Variants in MYT1L observed in about 807,000 individuals in gnomAD.
MYT1L encodes myelin transcription factor 1-like protein.
MYT1L carries 12 observed loss-of-function variants against 126.7 expected under a neutral mutation model. That is an observed-to-expected ratio of 0.09 (90% CI 0.06 to 0.15). The LOEUF is 0.15. Ranked by LOEUF, MYT1L falls within the 10% of genes least tolerant of loss-of-function variation. The pLI, the probability that MYT1L is intolerant of heterozygous loss-of-function variation, is 1.00. For synonymous variants in MYT1L, 541 were observed against 604.2 expected (o/e 0.90, Z 1.53); for missense variants, 979 against 1,585.2 (o/e 0.62, Z 6.49).
Position 1,839,505 on chromosome 2 carries a change from A to C in MYT1L, c.2859-135T>G, listed in dbSNP as rs951369964. ...CTCCTGGCTGGGCAAAAGGAAAAGA[A>C]AAAAGAGAAAGAAAGAAAAGTCACT... On this transcript the variant is annotated intron_variant, in intron 20 of 24. Transcript: ENST00000647738. 11 of 753,638 alleles carry C rather than the reference A, an allele frequency of 1.5e-5. No individual in the cohort carries two copies. In the South Asian group the frequency reaches 1.7e-4, roughly 11 times the overall value. 46.7% of individuals were successfully genotyped at this position (753,638 alleles called of 1,614,324 possible).
intron 23 of MYT1L, among the ~76,000 whole-genome samples, chr2:1,794,819 T>A (rs1382178549): frequency 6.6e-6 from 1 of 152,110 alleles, no homozygotes; most frequent in South Asian, 2.1e-4. Flanking sequence ...ATGGAACAAA[T>A]CTCATTGTGT....
At chr2:2,268,866 G>A (rs1415881769) in intron 2 of MYT1L, among the ~76,000 whole-genome samples, 1 of 152,124 alleles carries the variant, frequency 6.6e-6, no homozygotes, top group Non-Finnish European at 1.5e-5. Flanking sequence ...TTATTATGAA[G>A]ATAAATCTGT....
chr2:1,924,389 T>G (rs2053957058), intron 9 of MYT1L, among the ~76,000 whole-genome samples: 1 of 152,220 alleles, frequency 6.6e-6, no homozygotes, highest in Admixed American at 6.5e-5. Flanking sequence ...GCATGCCATT[T>G]TCACATCTGT....
At chr2:1,891,420 GCT>G (rs999626178) in intron 15 of MYT1L, among the ~76,000 whole-genome samples, 9 of 152,276 alleles carry the variant, frequency 5.9e-5, no homozygotes, top group South Asian at 2.1e-4. Context: ...CATCTTAAAC[GCT>G]CTCTCTCCTG....
At chr2:2,046,638 C>T (rs925571452) in intron 4 of MYT1L, among the ~76,000 whole-genome samples, 7 of 152,166 alleles carry the variant, frequency 4.6e-5, no homozygotes, top group East Asian at 1.9e-4. Context: ...TAGCTCGTCC[C>T]GGGTGAAGCC....
At chr2:2,140,381 C>T in intron 3 of MYT1L, among the ~76,000 whole-genome samples, 1 of 149,188 alleles carries the variant, frequency 6.7e-6, no homozygotes, top group East Asian at 2.0e-4. Context: ...TAGAAATTTG[C>T]TCTTTTTGCA....
intron 1 of MYT1L, among the ~76,000 whole-genome samples, chr2:2,328,132 AT>A (rs972171430): frequency 3.9e-5 from 6 of 152,194 alleles, no homozygotes; most frequent in Non-Finnish European, 4.4e-5. Context: ...TATTAACTCA[AT>A]TTTTTAATTT....
At chr2:2,278,094 G>A (rs547711741) in intron 2 of MYT1L, among the ~76,000 whole-genome samples, 30 of 152,232 alleles carry the variant, frequency 2.0e-4, no homozygotes, top group African/African-American at 3.6e-4. Flanking sequence ...AATTTAAAGC[G>A]GAAAGTAAAA....
intron 3 of MYT1L, among the ~76,000 whole-genome samples, chr2:2,068,635 T>C (rs1206673501): frequency 6.6e-6 from 1 of 151,810 alleles, no homozygotes; most frequent in Non-Finnish European, 1.5e-5. Context: ...AAGATAATAG[T>C]ATTTCCCTCA....
chr2:2,279,262 AT>A (rs2095411755), intron 2 of MYT1L, among the ~76,000 whole-genome samples: 1 of 152,226 alleles, frequency 6.6e-6, no homozygotes, highest in Non-Finnish European at 1.5e-5. Flanking sequence ...GGCTAATAGT[AT>A]CTACTTTTCC....
intron 10 of MYT1L, among the ~76,000 whole-genome samples, chr2:1,918,055 T>C (rs1356344807): frequency 6.6e-6 from 1 of 152,166 alleles, no homozygotes; most frequent in African/African-American, 2.4e-5. Flanking sequence ...AGAGGAAGGC[T>C]CGTAGAATGC....
chr2:1,840,291 T>C (rs963509748), intron 20 of MYT1L, among the ~76,000 whole-genome samples: 3 of 152,078 alleles, frequency 2.0e-5, no homozygotes, highest in Non-Finnish European at 4.4e-5. Flanking sequence ...AGCCCAGCGG[T>C]AGTCACAGGC....
chr2:2,226,437 C>A (rs1414317554), intron 2 of MYT1L, among the ~76,000 whole-genome samples: 2 of 152,174 alleles, frequency 1.3e-5, no homozygotes, highest in Non-Finnish European at 1.5e-5. Flanking sequence ...TTCAGAACAT[C>A]CAGAGTCATG....
At chr2:2,131,784 T>G (rs926255486) in intron 3 of MYT1L, among the ~76,000 whole-genome samples, 3 of 151,950 alleles carry the variant, frequency 2.0e-5, no homozygotes, top group Non-Finnish European at 2.9e-5. Context: ...TTTTCCCAAG[T>G]GAGAACTCGG....
chr2:1,886,358 G>A (rs781251371), intron 18 of MYT1L, 181 bp downstream of exon 18: 1 of 441,456 alleles, frequency 2.3e-6, no homozygotes, highest in South Asian at 5.7e-5. Flanking sequence ...AAGGCAGAAT[G>A]GGTTGTGTGG....
intron 5 of MYT1L, among the ~76,000 whole-genome samples, chr2:1,986,931 C>T (rs1190203674): frequency 1.3e-5 from 2 of 152,154 alleles, no homozygotes; most frequent in African/African-American, 2.4e-5. Context: ...CAGGAAGGCA[C>T]CCCTTCCAGA....
intron 2 of MYT1L, among the ~76,000 whole-genome samples, chr2:2,183,290 G>A (rs2091737219): frequency 6.6e-6 from 1 of 152,144 alleles, no homozygotes; most frequent in Non-Finnish European, 1.5e-5. Flanking sequence ...GGGGGAAGTA[G>A]ACCACGAGAG....
intron 2 of MYT1L, among the ~76,000 whole-genome samples, chr2:2,238,813 T>C (rs895985909): frequency 3.3e-5 from 5 of 152,268 alleles, no homozygotes; most frequent in African/African-American, 4.8e-5. Context: ...CCTCTTTGAC[T>C]AAAAGCTGCC....
At chr2:1,993,370 C>G (rs1274369747) in intron 5 of MYT1L, among the ~76,000 whole-genome samples, 1 of 152,178 alleles carries the variant, frequency 6.6e-6, no homozygotes, top group African/African-American at 2.4e-5. Context: ...CCAACCTTCA[C>G]TCCACTCCAC....
Sources: gnomAD v4.1 joint callset for allele counts (sites outside exome capture counted in the v4.1 genomes callset) on GRCh38, gnomAD v4.1.1 for gene constraint, MANE v1.5 for transcripts, NCBI Gene and HGNC (gene_info 2026-07-23, HGNC 2026-07-21) for gene names.